MED13: variants seen among roughly 807,000 people sequenced by gnomAD.
MED13 encodes the protein mediator complex subunit 13, also known as mediator of RNA polymerase II transcription subunit 13.
In MED13, 23 loss-of-function variants were observed where a neutral mutation model predicts 225.2. That is an observed-to-expected ratio of 0.10 (90% CI 0.07 to 0.14). The LOEUF is 0.14. Ranked by LOEUF, MED13 falls within the 10% of genes least tolerant of loss-of-function variation. MED13 has a pLI of 1.00. For synonymous variants in MED13, 942 were observed against 889.2 expected, an observed-to-expected ratio of 1.06 and a Z score of -1.06; for missense variants, 2,197 against 2,594.5, an observed-to-expected ratio of 0.85 and a Z score of 3.33.
intron 3 of MED13, among the ~76,000 whole-genome samples, chr17:62,044,669 T>C (rs1045568475): frequency 6.6e-6 from 1 of 152,252 alleles, no homozygotes; most frequent in East Asian, 1.9e-4. Flanking sequence ...ATACTCTATA[T>C]TGCCTTTTTT....
Position 61,952,958 on chromosome 17 carries a change from C to T in MED13, c.6117+7G>A. 1 of 1,610,978 alleles carries T rather than the reference C, an allele frequency of 6.2e-7. No individual in the cohort carries two copies. The highest frequency in any genetic ancestry group is 1.1e-5 in the South Asian group (1 of 90,690). ...CCGAGAAAAACTAAAACTTGTAACA[C>T]AGTTACCTTGCCCGCATCACCTCCA... On this transcript the variant is annotated splice_region_variant and intron_variant, in intron 27 of 29. Transcript: ENST00000397786.
chr17:61,960,145 A>G (rs2079986451), intron 23 of MED13, among the ~76,000 whole-genome samples: 1 of 152,228 alleles, frequency 6.6e-6, no homozygotes, highest in South Asian at 2.1e-4. Flanking sequence ...TGAAATGTTT[A>G]TTAAGTGATA....
intron 2 of MED13, among the ~76,000 whole-genome samples, chr17:62,061,245 G>A (rs1485789392): frequency 1.3e-5 from 2 of 152,040 alleles, no homozygotes; most frequent in African/African-American, 4.8e-5. Context: ...TAGGCCAGGT[G>A]CAGGGGCTCA....
At chr17:61,962,998 A>C in intron 20 of MED13, 27 bp from the exon 21 acceptor site, 1 of 1,605,190 alleles carries the variant, frequency 6.2e-7, no homozygotes, top group Non-Finnish European at 8.5e-7. Context: ...AAATGAGACA[A>C]AAAGTTGTAC....
chr17:62,043,261 T>C (rs1043078851), intron 3 of MED13, among the ~76,000 whole-genome samples: 1 of 151,596 alleles, frequency 6.6e-6, no homozygotes, highest in African/African-American at 2.4e-5. Context: ...TTAGCATTTT[T>C]CTCATAAACG....
At chr17:61,987,152 A>G (rs897360026) in intron 11 of MED13, 24 bp from the exon 12 acceptor site, 11 of 1,567,962 alleles carry the variant, frequency 7.0e-6, no homozygotes, top group East Asian at 2.3e-5. Context: ...TCAGAAAAAT[A>G]AAATTAAAAC....
Position 61,955,382 on chromosome 17 carries a change from C to A in MED13, c.5968G>T (p.Asp1990Tyr). 1 of 1,532,022 alleles carries A rather than the reference C, an allele frequency of 6.5e-7. No homozygotes were observed. The allele number at this position is 1,532,022 out of a possible 1,614,324, so 94.9% of individuals were successfully genotyped here. A position where few individuals can be genotyped will look rare whatever the true frequency, so the allele number is the denominator to read the frequency against. Residue 1990 changes from aspartate to tyrosine, a missense_variant and splice_region_variant, in exon 26 of 30, where the codon GAT (aspartate) becomes TAT (tyrosine). Coordinates refer to ENST00000397786, the MANE Select transcript of MED13 (RefSeq NM_005121.3). ...TACCAAAATGGAACAAATTACGTAC[C>A]ATTGTTGGGATTGAAAGCTAAATCC... ...NLDLAFNPNN[D>Y]GADGMGIFDL... is the part of the protein sequence containing the mutation.
chr17:62,051,329 A>G (rs1490774427), intron 3 of MED13, among the ~76,000 whole-genome samples: 2 of 152,186 alleles, frequency 1.3e-5, no homozygotes, highest in Non-Finnish European at 2.9e-5. Context: ...AGGACCATGA[A>G]GATGTAAAAA....
At chr17:61,993,196 CTTTCTTTTT>C (rs1248279313) in intron 10 of MED13, among the ~76,000 whole-genome samples, 2 of 127,424 alleles carry the variant, frequency 1.6e-5, no homozygotes, top group African/African-American at 7.2e-5. Flanking sequence ...TTCTTTCTTT[CTTTCTTTTT>C]TTTTTTTTTT....
At chr17:62,012,492 G>A (rs879842522) in intron 8 of MED13, among the ~76,000 whole-genome samples, 3 of 151,316 alleles carry the variant, frequency 2.0e-5, no homozygotes, top group Non-Finnish European at 4.4e-5. Context: ...CACCATGCCC[G>A]GCTAATTTTG....
At chr17:62,013,615 A>C (rs1035454026) in intron 8 of MED13, among the ~76,000 whole-genome samples, 1 of 151,422 alleles carries the variant, frequency 6.6e-6, no homozygotes, top group Non-Finnish European at 1.5e-5. Flanking sequence ...ATTAAGAACA[A>C]AGCAAGAATA....
At chr17:62,050,953 T>G (rs781493833) in intron 3 of MED13, among the ~76,000 whole-genome samples, 7 of 152,046 alleles carry the variant, frequency 4.6e-5, no homozygotes, top group Non-Finnish European at 7.4e-5. Context: ...TGCAGTGAGC[T>G]GAGATTGCAC....
intron 9 of MED13, among the ~76,000 whole-genome samples, chr17:62,002,599 T>C (rs980538914): frequency 1.3e-5 from 2 of 152,034 alleles, no homozygotes; most frequent in African/African-American, 4.8e-5. Context: ...TACCACTTTC[T>C]ACAAGGAGAC....
intron 9 of MED13, among the ~76,000 whole-genome samples, chr17:62,001,523 T>A (rs1272994179): frequency 6.6e-6 from 1 of 152,192 alleles, no homozygotes; most frequent in Non-Finnish European, 1.5e-5. Flanking sequence ...AGTCCCTCCA[T>A]CATCTCAAGG....
rs759224046 is a variant in MED13 at position 61,946,973 on chromosome 17, C to T, written c.6336G>A (p.Leu2112=). 4.3e-6 allele frequency: 7 copies of T among 1,613,994 alleles called. No individual in the cohort carries two copies. In the South Asian group the frequency reaches 6.6e-5, roughly 15 times the overall value. Residue 2112 remains leucine (L), a synonymous_variant, in exon 29 of 30, where the codon CTG becomes CTA. Coordinates refer to ENST00000397786, the MANE Select transcript of MED13 (RefSeq NM_005121.3). ...LHVPSVQSDE[L]LHSKHSHPLD... ...GTGGGTGGGAGTGTTTACTGTGAAG[C>T]AGCTCGTCAGATTGCACTGAAGGCA...
chr17:61,988,194 A>G (rs1055446354), intron 11 of MED13, among the ~76,000 whole-genome samples: 25 of 152,164 alleles, frequency 1.6e-4, no homozygotes, highest in African/African-American at 5.8e-4. Flanking sequence ...CCTCAATACC[A>G]AGAATAAAAT....
chr17:62,041,782 T>C (rs990674180), intron 3 of MED13, among the ~76,000 whole-genome samples: 24 of 152,178 alleles, frequency 1.6e-4, no homozygotes, highest in Non-Finnish European at 3.2e-4. Context: ...GAGGTCTCAC[T>C]ATGTTGTCCA....
At chr17:62,058,448 G>C (rs1406504098) in intron 2 of MED13, among the ~76,000 whole-genome samples, 2 of 150,276 alleles carry the variant, frequency 1.3e-5, no homozygotes, top group African/African-American at 4.9e-5. Flanking sequence ...TTGAACCTGG[G>C]AGGCGGAGGT....
At chr17:62,003,685 A>C (rs978934511) in intron 9 of MED13, 1 of 151,812 alleles carries the variant, frequency 6.6e-6, no homozygotes, top group Non-Finnish European at 1.5e-5. Flanking sequence ...CAATATTCAC[A>C]TAAGACATAT....
Sources: gnomAD v4.1 joint callset for allele counts (sites outside exome capture counted in the v4.1 genomes callset) on GRCh38, gnomAD v4.1.1 for gene constraint, MANE v1.5 for transcripts, NCBI Gene and HGNC (gene_info 2026-07-23, HGNC 2026-07-21) for gene names.